Variants in ITGA10 observed in about 807,000 individuals in gnomAD.
ITGA10 encodes integrin alpha-10.
A neutral mutation model predicts 145.2 loss-of-function variants in ITGA10; 105 were observed. That is an observed-to-expected ratio of 0.72 (90% CI 0.62 to 0.85). ITGA10 has a LOEUF of 0.85. Among genes scored for constraint, ITGA10 ranks in the 40% least tolerant of loss-of-function variants. The pLI is 0.00. For synonymous variants in ITGA10, 506 were observed against 557.8 expected (o/e 0.91, Z 1.31); for missense variants, 1,317 against 1,444.5 (o/e 0.91, Z 1.43).
At position 145,901,137 on chromosome 1, in the gene ITGA10, G is replaced by A. The variant is rs587676257; in HGVS notation, c.1585C>T (p.Gln529Ter). ...CAGGGGGTCCCAGCAAGTCTCACCT[G>A]GCCTACCAGATACACATAAACACGT... is the stretch of plus-strand genomic sequence containing the variant. ...TGRVYVYLVG[Q>*]QSLLTLQGTL... Residue 529 changes from glutamine to a stop codon, truncating the protein, a stop_gained and splice_region_variant, in exon 13 of 30, where the codon CAG becomes TAG. Transcript: ENST00000369304. LOFTEE classifies it high-confidence loss of function. The surrounding 1 kb of genome is among the most constrained non-coding windows in gnomAD (Gnocchi z 4.3). 1 of 1,613,916 alleles carries A rather than the reference G, an allele frequency of 6.2e-7. No individual in the cohort carries two copies. Among genetic ancestry groups the A allele is most frequent in the Non-Finnish European group, 8.5e-7 (1 of 1,179,964 alleles).
chr1:145,902,582 C>G lies in ITGA10; in HGVS notation c.947G>C (p.Ser316Thr). ...GHYLRRQRDP[S>T]SFLREIRTIA... ...AGTTCTAATTTCTCTCAGGAAAGAG[C>G]TGGGATCTCGCTGCCGCCGGAGGTA... The change falls in exon 9 of 30, where the codon AGC becomes ACC. Residue 316 changes from serine to threonine, a missense_variant. Transcript: ENST00000369304. 6.2e-7 allele frequency: 1 copy of G among 1,612,208 alleles called. No individual in the cohort carries two copies. The highest frequency in any genetic ancestry group is 1.1e-5 in the South Asian group (1 of 90,796).
Position 145,899,199 on chromosome 1 carries a change from G to A in ITGA10, c.2065C>T (p.Pro689Ser). 1 of 1,614,230 alleles carries A rather than the reference G, an allele frequency of 6.2e-7. No individual in the cohort carries two copies. The highest frequency in any genetic ancestry group is 8.5e-7 in the Non-Finnish European group (1 of 1,180,050). The change falls in exon 16 of 30, where the codon CCT becomes TCT. Residue 689 changes from proline to serine, a missense_variant. Transcript: ENST00000369304. Reference sequence around the variant, plus strand: ...CAGAATTGGTGATCCCAGCGACCAGGAGTACGGGAGGTCACTTGGAAGCAA... The same window carrying A: ...CAGAATTGGTGATCCCAGCGACCAGAAGTACGGGAGGTCACTTGGAAGCAA... ...ALCFQVTSRTPGRWDHQFYMR... is the reference protein window; with the variant it reads ...ALCFQVTSRTSGRWDHQFYMR...
rs782312872 is a variant in ITGA10 at position 145,904,704 on chromosome 1, T to TAAACAGTTTCC, written c.578_588dup (p.Ile197GlyfsTer37). The TAAACAGTTTCC allele has an allele frequency of 1.9e-6, 3 of 1,613,992 alleles. No homozygotes were observed. The highest frequency in any genetic ancestry group is 2.5e-6 in the Non-Finnish European group (3 of 1,179,918). ...CTTACCTGTATCTGTTCTGGGTCAA[T>TAAACAGTTTCC]AAACAGTTTCCCTACCAGTCTTCGT... On this transcript the variant is annotated frameshift_variant, in exon 6 of 30. Transcript: ENST00000369304. LOFTEE classifies it high-confidence loss of function.
In ITGA10 at chr1:145,900,883, A is replaced by T. The variant is rs782475827; in HGVS notation, c.1698T>A (p.Asp566Glu). The T allele has an allele frequency of 1.2e-6, 2 of 1,613,994 alleles. No homozygotes were observed. The highest frequency in any genetic ancestry group is 1.7e-5 in the Admixed American group (1 of 59,988). The stretch of plus-strand genomic sequence containing the variant: ...CTTCCAGAGGCGCCCCCACAGCCAC[A>T]TCAGCAAAACCATCTTGGTTCAGAT... ...LPDLNQDGFADVAVGAPLEDG... is the reference protein window; with the variant it reads ...LPDLNQDGFAEVAVGAPLEDG... The change falls in exon 14 of 30, where the codon GAT becomes GAA. Residue 566 changes from aspartate to glutamate, a missense_variant. By Grantham distance (45) the Asp-to-Glu change is conservative. Transcript: ENST00000369304.
intron 27 of ITGA10, among the ~76,000 whole-genome samples, chr1:145,894,905 A>G (rs1655170426): frequency 6.6e-6 from 1 of 152,208 alleles, no homozygotes; most frequent in Non-Finnish European, 1.5e-5. Context: ...TAGGAACGTG[A>G]TGGATTCTTA....
rs782723031 is a variant in ITGA10, at chr1:145,909,982, C to A, written c.33G>T (p.Leu11Phe). The A allele has an allele frequency of 3.7e-6, 6 of 1,613,466 alleles. No individual in the cohort carries two copies. Among genetic ancestry groups the A allele is most frequent in the Non-Finnish European group, 5.1e-6 (6 of 1,179,570 alleles). ...CCTCACCTGTCAGGAACACCAGGGG[C>A]AAGAACAGGTGAGTGACGAAGGGGA... Reference protein sequence around the residue: MELPFVTHLFLPLVFLTGLCS... With the variant: MELPFVTHLFFPLVFLTGLCS... The change falls in exon 1 of 30, where the codon TTG (leucine) becomes TTT (phenylalanine). Residue 11 changes from leucine to phenylalanine, a missense_variant. Coordinates refer to ENST00000369304, the MANE Select transcript of ITGA10 (RefSeq NM_003637.5).
intron 6 of ITGA10, 116 bp from the exon 7 acceptor site, chr1:145,904,316 C>T: frequency 1.1e-6 from 1 of 942,626 alleles, no homozygotes; most frequent in South Asian, 1.5e-5. Context: ...AAGACAACAC[C>T]TACATTTATC....
Position 145,900,985 on chromosome 1 carries a change from C to T in ITGA10, c.1596G>A (p.Leu532=). 2 of 1,614,086 alleles carry T rather than the reference C, an allele frequency of 1.2e-6. No homozygotes were observed. Among genetic ancestry groups the T allele is most frequent in the Non-Finnish European group, 1.7e-6 (2 of 1,180,010 alleles). The change falls in exon 14 of 30, where the codon TTG becomes TTA. Residue 532 remains leucine, a synonymous_variant. Coordinates refer to ENST00000369304, the MANE Select transcript of ITGA10 (RefSeq NM_003637.5). Reference sequence around the variant, plus strand: ...GCTGAAGTGTTCCTTGGAGGGTCAGCAAGGACTGCTGGTGGAGGAGAGAAG... The same window carrying T: ...GCTGAAGTGTTCCTTGGAGGGTCAGTAAGGACTGCTGGTGGAGGAGAGAAG... ...VYVYLVGQQS[L]LTLQGTLQPE...
intron 7 of ITGA10, 85 bp downstream of exon 7, chr1:145,903,967 C>A (rs587683517): frequency 6.7e-7 from 1 of 1,503,528 alleles, no homozygotes. Flanking sequence ...GGATTACAGG[C>A]GTGAGCCACC....
intron 1 of ITGA10, among the ~76,000 whole-genome samples, chr1:145,909,329 G>A (rs962431626): frequency 1.3e-5 from 2 of 150,378 alleles, no homozygotes; most frequent in Non-Finnish European, 2.9e-5. Flanking sequence ...GCGTGGTGGC[G>A]CGTACCTAGT....
intron 7 of ITGA10, 57 bp from the exon 8 acceptor site, chr1:145,903,018 C>CACACAG: frequency 2.8e-6 from 2 of 703,522 alleles, no homozygotes; most frequent in Non-Finnish European, 4.3e-6. Flanking sequence ...CACACACACA[C>CACACAG]ACACATACAC....
chr1:145,908,113 C>A (rs1454536299), intron 1 of ITGA10, among the ~76,000 whole-genome samples: 2 of 152,122 alleles, frequency 1.3e-5, no homozygotes, highest in Admixed American at 6.5e-5. Context: ...CCTCAACAAA[C>A]TGTGAGGGTC....
intron 1 of ITGA10, among the ~76,000 whole-genome samples, chr1:145,909,236 G>C (rs1192231608): frequency 6.6e-6 from 1 of 151,190 alleles, no homozygotes; most frequent in Non-Finnish European, 1.5e-5. Flanking sequence ...GGAGGTTGAG[G>C]CTAGAGTGAG....
At chr1:145,893,682 G>A in intron 27 of ITGA10, 47 bp from the exon 28 acceptor site, 1 of 1,450,514 alleles carries the variant, frequency 6.9e-7, no homozygotes, top group Non-Finnish European at 9.6e-7. Context: ...GCCATTATCA[G>A]GTGATATAGT....
At chr1:145,895,909 G>A (rs782276229) in intron 25 of ITGA10, 74 bp downstream of exon 25, 19 of 1,216,532 alleles carry the variant, frequency 1.6e-5, no homozygotes, top group Non-Finnish European at 2.2e-5. Flanking sequence ...ATAGGGAGCT[G>A]GTGTGGTGTC....
In ITGA10 at chr1:145,891,842, C is replaced by T. The variant is rs1311902229; in HGVS notation, c.*956G>A. On this transcript the variant is annotated 3_prime_UTR_variant, in exon 30 of 30. Coordinates refer to ENST00000369304, the MANE Select transcript of ITGA10 (RefSeq NM_003637.5). Reference sequence around the variant, plus strand: ...TAGATCCCATGGGGCTGCTGCTTCCCAAAGCTGGTAAAGTGAAAGCATTTC... The same window carrying T: ...TAGATCCCATGGGGCTGCTGCTTCCTAAAGCTGGTAAAGTGAAAGCATTTC... The T allele has an allele frequency of 6.6e-6, 1 of 152,254 alleles. No individual in the cohort carries two copies. The highest frequency in any genetic ancestry group is 1.5e-5 in the Non-Finnish European group (1 of 68,054). The allele number at this position is 152,254 out of a possible 1,614,324, so 9.4% of individuals were successfully genotyped here.
chr1:145,906,479 A>G lies in ITGA10; in HGVS notation c.396T>C (p.Cys132=), dbSNP rs782208236. 1.2e-6 allele frequency: 2 copies of G among 1,614,152 alleles called. No individual in the cohort carries two copies. Among genetic ancestry groups the G allele is most frequent in the South Asian group, 1.1e-5 (1 of 91,082 alleles). The change falls in exon 5 of 30, where the codon TGT becomes TGC. Residue 132 remains cysteine (C), a synonymous_variant. Transcript: ENST00000369304. ...MACAPLWSRA[C]GSSVFSSGIC... is the part of the protein sequence containing the mutation. Reference sequence around the variant, plus strand: ...TCCCAGAACTGAAGACAGAGCTGCCACAAGCACGAGACCAGAGAGGGGCAC... The same window carrying G: ...TCCCAGAACTGAAGACAGAGCTGCCGCAAGCACGAGACCAGAGAGGGGCAC...
At chr1:145,898,305 G>A in intron 17 of ITGA10, 82 bp from the exon 18 acceptor site, 2 of 824,174 alleles carry the variant, frequency 2.4e-6, no homozygotes, top group Admixed American at 3.7e-5. Context: ...CATTTTCTGT[G>A]TGCTGGGCAC....
In ITGA10 at chr1:145,900,945, C is replaced by G; in HGVS notation, c.1636G>C (p.Asp546His). The stretch of plus-strand genomic sequence containing the variant: ...CCCATGGCAAAGCCAAACCGAGCAT[C>G]CTGGGGGGGTTCTGGCTGAAGTGTT... ...QGTLQPEPPQ[D>H]ARFGFAMGAL... The change falls in exon 14 of 30, where the codon GAT (aspartate) becomes CAT (histidine). Residue 546 changes from aspartate to histidine, a missense_variant. Transcript: ENST00000369304. 6.2e-7 allele frequency: 1 copy of G among 1,614,132 alleles called. No homozygotes were observed. Among genetic ancestry groups the G allele is most frequent in the South Asian group, 1.1e-5 (1 of 91,074 alleles).
Sources: gnomAD v4.1 joint callset for allele counts (sites outside exome capture counted in the v4.1 genomes callset) on GRCh38, gnomAD v4.1.1 for gene constraint, Gnocchi (gnomAD v3.1) non-coding constraint, MANE v1.5 for transcripts, NCBI Gene and HGNC (gene_info 2026-07-23, HGNC 2026-07-21) for gene names.